Variants in HHIP observed in about 807,000 individuals in gnomAD.
HHIP encodes hedgehog-interacting protein.
HHIP carries 12 observed loss-of-function variants against 74.0 expected under a neutral mutation model. The observed-to-expected ratio is 0.16, with a 90% CI of 0.10 to 0.26. The LOEUF is 0.26. Among genes scored for constraint, HHIP ranks in the 10% least tolerant of loss-of-function variants. The pLI, the probability that HHIP is intolerant of heterozygous loss-of-function variation, is 1.00. For synonymous variants in HHIP, 309 were observed against 311.6 expected (o/e 0.99, Z 0.09); for missense variants, 788 against 845.0 (o/e 0.93, Z 0.84).
At position 144,674,130 on chromosome 4, in the gene HHIP, T is replaced by C. The variant is rs140616556; in HGVS notation, c.831+14292T>C. 4.0e-3 allele frequency among the ~76,000 whole-genome samples: 614 copies of C among 152,322 alleles called. 6 individuals are homozygous for C. The highest frequency in any genetic ancestry group is 0.013 in the African/African-American group (533 of 41,578). On this transcript the variant is annotated intron_variant, in intron 4 of 12. Coordinates refer to ENST00000296575, the MANE Select transcript of HHIP (RefSeq NM_022475.3). ...TGGAAAGAATAATTTTCATTGTGGG[T>C]GTTCCTTGAAATTGTATGCCTCATC...
chr4:144,680,020 C>T (rs1233400074), intron 4 of HHIP, among the ~76,000 whole-genome samples: 2 of 152,130 alleles, frequency 1.3e-5, no homozygotes, highest in Admixed American at 6.6e-5. Context: ...TTTGTTTTCT[C>T]ATTGACAGTC....
rs1048751673 is a variant in HHIP, at chr4:144,659,049, A to G, written c.629+103A>G. ...CTGTCTGTGCTTATGTTCAGCAGCT[A>G]TATCCTCCAGATGCTTTAGTTTTTT... On this transcript the variant is annotated intron_variant, in intron 3 of 12. Coordinates refer to ENST00000296575, the MANE Select transcript of HHIP (RefSeq NM_022475.3). The G allele has an allele frequency of 1.3e-5, 12 of 891,358 alleles. No homozygotes were observed. The Admixed American group carries it at 3.3e-4, about 25-fold the overall frequency. The allele number at this position is 891,358 out of a possible 1,614,324, so 55.2% of individuals were successfully genotyped here.
intron 11 of HHIP, among the ~76,000 whole-genome samples, chr4:144,731,969 C>A (rs1730970686): frequency 6.6e-6 from 1 of 152,128 alleles, no homozygotes; most frequent in Admixed American, 6.6e-5. Context: ...CTGTGTGAGG[C>A]TCAGGACCCT....
At chr4:144,684,592 T>G (rs1272584705) in intron 4 of HHIP, among the ~76,000 whole-genome samples, 1 of 152,060 alleles carries the variant, frequency 6.6e-6, no homozygotes, top group African/African-American at 2.4e-5. Context: ...AGAAAATCTT[T>G]GAAGACACTA....
intron 7 of HHIP, 60 bp downstream of exon 7, chr4:144,708,371 G>A (rs1364350309): frequency 3.3e-5 from 51 of 1,559,268 alleles, no homozygotes; most frequent in Non-Finnish European, 3.5e-6. Flanking sequence ...CCGAGAACTG[G>A]GAAAATATAG....
intron 4 of HHIP, among the ~76,000 whole-genome samples, chr4:144,704,518 T>C (rs1466875212): frequency 6.6e-6 from 1 of 152,236 alleles, no homozygotes; most frequent in Non-Finnish European, 1.5e-5. Flanking sequence ...TTTTCCCATC[T>C]GTCTTTCTAC....
intron 4 of HHIP, among the ~76,000 whole-genome samples, chr4:144,701,292 G>A (rs182609402): frequency 6.7e-5 from 10 of 149,748 alleles, no homozygotes; most frequent in Non-Finnish European, 1.2e-4. Flanking sequence ...ACTTCTTCAT[G>A]TAAGTTTTTA....
At chr4:144,726,796 G>A (rs1369709581) in intron 11 of HHIP, among the ~76,000 whole-genome samples, 1 of 152,168 alleles carries the variant, frequency 6.6e-6, no homozygotes, top group East Asian at 1.9e-4. Context: ...AAAAGGAAGT[G>A]CCTGTACTGG....
chr4:144,688,706 ACT>A (rs1367860625), intron 4 of HHIP, among the ~76,000 whole-genome samples: 1 of 152,164 alleles, frequency 6.6e-6, no homozygotes, highest in African/African-American at 2.4e-5. Flanking sequence ...ATGTTAATTA[ACT>A]CTGCCAGACA....
intron 4 of HHIP, among the ~76,000 whole-genome samples, chr4:144,695,494 A>G (rs781011903): frequency 3.3e-5 from 5 of 151,582 alleles, no homozygotes; most frequent in Admixed American, 6.6e-5. Flanking sequence ...ACATTTTTCT[A>G]TCATAAATCT....
intron 2 of HHIP, among the ~76,000 whole-genome samples, chr4:144,653,303 A>G (rs1427285095): frequency 6.6e-6 from 1 of 152,106 alleles, no homozygotes. Context: ...CTCCTCAAAA[A>G]CCCTGTAAGC....
intron 2 of HHIP, among the ~76,000 whole-genome samples, chr4:144,657,872 G>T (rs1449119278): frequency 6.6e-6 from 1 of 152,208 alleles, no homozygotes; most frequent in African/African-American, 2.4e-5. Flanking sequence ...CAGGAAAAAG[G>T]CACTTATATA....
intron 9 of HHIP, 123 bp downstream of exon 9, chr4:144,714,471 T>C: frequency 1.1e-6 from 1 of 902,370 alleles, no homozygotes; most frequent in South Asian, 1.8e-5. Context: ...GGAATACACA[T>C]AAATATTATT....
At chr4:144,670,764 G>GAAAAAAAAAAA (rs1167213848) in intron 4 of HHIP, among the ~76,000 whole-genome samples, 53 of 54,874 alleles carry the variant, frequency 9.7e-4, no homozygotes, top group Admixed American at 1.3e-3. Context: ...CTTAAGATTT[G>GAAAAAAAAAAA]AAAAAAAAAA....
chr4:144,682,092 T>G (rs1729363413), intron 4 of HHIP, among the ~76,000 whole-genome samples: 1 of 152,244 alleles, frequency 6.6e-6, no homozygotes, highest in African/African-American at 2.4e-5. Context: ...GCTGTAAGCT[T>G]TCCCAGAACG....
chr4:144,695,519 C>T (rs1316066659), intron 4 of HHIP, among the ~76,000 whole-genome samples: 1 of 151,462 alleles, frequency 6.6e-6, no homozygotes, highest in Non-Finnish European at 1.5e-5. Context: ...GGTGCATTTT[C>T]ACATTGGGTT....
chr4:144,706,946 T>C (rs968346310), intron 5 of HHIP, 141 bp from the exon 6 acceptor site: 57 of 750,082 alleles, frequency 7.6e-5, no homozygotes, highest in Admixed American at 5.9e-5. Flanking sequence ...CAGCAATTTC[T>C]GTTAGCTCCA....
At chr4:144,656,104 T>C (rs1327709117) in intron 2 of HHIP, among the ~76,000 whole-genome samples, 1 of 152,184 alleles carries the variant, frequency 6.6e-6, no homozygotes, top group Non-Finnish European at 1.5e-5. Context: ...TGGCAATAAA[T>C]GTTAAAATAT....
intron 5 of HHIP, 107 bp downstream of exon 5, chr4:144,706,789 C>A: frequency 2.0e-6 from 2 of 1,005,376 alleles, no homozygotes; most frequent in Non-Finnish European, 2.9e-6. Context: ...CATAAGGTGG[C>A]AATAATTAAA....
Sources: gnomAD v4.1 joint callset for allele counts (sites outside exome capture counted in the v4.1 genomes callset) on GRCh38, gnomAD v4.1.1 for gene constraint, MANE v1.5 for transcripts, NCBI Gene and HGNC (gene_info 2026-07-23, HGNC 2026-07-21) for gene names.